Variants in MINDY4B observed in about 807,000 individuals in gnomAD.
MINDY4B encodes MINDY family member 4B.
In MINDY4B, 25 loss-of-function variants were observed where a neutral mutation model predicts 16.7. The ratio of observed to expected loss-of-function variants is 1.49; its 90% confidence interval spans 1.09 to 2.09. MINDY4B has a LOEUF of 2.09. MINDY4B is among the 30% of genes most tolerant of loss of function. The pLI, the probability that MINDY4B is intolerant of heterozygous loss-of-function variation, is 0.00. For missense variants in MINDY4B, 327 were observed against 168.4 expected (o/e 1.94, Z -5.21); for synonymous variants, 132 against 61.9 (o/e 2.13, Z -5.32).
intron 3 of MINDY4B, among the ~76,000 whole-genome samples, chr3:150,897,359 G>GTT (rs1559968722): frequency 2.0e-5 from 3 of 151,348 alleles, no homozygotes; most frequent in Non-Finnish European, 2.9e-5. Flanking sequence ...GTGTGTGTGT[G>GTT]TGTGTGTGTA....
At chr3:150,894,998 C>G (rs1711923934) in intron 3 of MINDY4B, among the ~76,000 whole-genome samples, 1 of 152,212 alleles carries the variant, frequency 6.6e-6, no homozygotes, top group Non-Finnish European at 1.5e-5. Context: ...GAACTTCTGA[C>G]TGAAGTACTC....
At chr3:150,894,671 C>T (rs1711912913) in intron 3 of MINDY4B, among the ~76,000 whole-genome samples, 1 of 152,182 alleles carries the variant, frequency 6.6e-6, no homozygotes, top group East Asian at 1.9e-4. Flanking sequence ...CAGCCTGGTA[C>T]AGTAGCGATT....
chr3:150,895,419 GT>G (rs1711933872), intron 3 of MINDY4B, among the ~76,000 whole-genome samples: 1 of 152,088 alleles, frequency 6.6e-6, no homozygotes, highest in African/African-American at 2.4e-5. Context: ...AATATGATAG[GT>G]TTTCCTTCAT....
chr3:150,885,814 C>G (rs1311364480), intron 7 of MINDY4B, among the ~76,000 whole-genome samples: 1 of 152,150 alleles, frequency 6.6e-6, no homozygotes, highest in African/African-American at 2.4e-5. Flanking sequence ...TTCCTCATTG[C>G]CCCGTTAAAC....
intron 3 of MINDY4B, among the ~76,000 whole-genome samples, chr3:150,902,729 T>C (rs1443140210): frequency 6.6e-6 from 1 of 152,220 alleles, no homozygotes; most frequent in Admixed American, 6.5e-5. Flanking sequence ...TCCTGGTGAT[T>C]TGGATCCTGA....
Position 150,905,108 on chromosome 3 carries a change from A to G in MINDY4B, c.114-19T>C. 1 of 398,520 alleles carries G rather than the reference A, an allele frequency of 2.5e-6. No individual in the cohort carries two copies. Among genetic ancestry groups the G allele is most frequent in the Non-Finnish European group, 4.4e-6 (1 of 225,998 alleles). The allele number at this position is 398,520 out of a possible 1,614,324, so 24.7% of individuals were successfully genotyped here. A position where few individuals can be genotyped will look rare whatever the true frequency, so the allele number is the denominator to read the frequency against. On this transcript the variant is annotated intron_variant, in intron 1 of 11. Coordinates refer to ENST00000465419, the MANE Select transcript of MINDY4B (RefSeq NM_001351281.2). Reference sequence around the variant, plus strand: ...TCCCAACCTTTAAATGAAAGAGAAAACATCAAGTAAATTACTCACTCTCTT... The same window carrying G: ...TCCCAACCTTTAAATGAAAGAGAAAGCATCAAGTAAATTACTCACTCTCTT...
chr3:150,897,349 G>GTGTGTGTA (rs1712001605), intron 3 of MINDY4B, among the ~76,000 whole-genome samples: 1 of 151,872 alleles, frequency 6.6e-6, no homozygotes, highest in East Asian at 1.9e-4. Flanking sequence ...GTGTGTGTGT[G>GTGTGTGTA]TGTGTGTGTG....
chr3:150,892,912 C>T (rs1711852768), intron 5 of MINDY4B, among the ~76,000 whole-genome samples: 1 of 151,260 alleles, frequency 6.6e-6, no homozygotes, highest in South Asian at 2.1e-4. Flanking sequence ...TGCACTCCAG[C>T]CTTGGGGACA....
chr3:150,873,410 C>A lies in MINDY4B; in HGVS notation c.1060-43G>T, dbSNP rs540193897. The A allele has an allele frequency of 4.8e-5, 33 of 689,192 alleles. No homozygotes were observed. The East Asian group carries it at 8.6e-4, about 18-fold the overall frequency. The allele number at this position is 689,192 out of a possible 1,614,324, so 42.7% of individuals were successfully genotyped here. ...AATGCAGATAAATATATAGATTTTG[C>A]CACATTGTGACACATGCCGATACAT... On this transcript the variant is annotated intron_variant, in intron 10 of 11. Coordinates refer to ENST00000465419, the MANE Select transcript of MINDY4B (RefSeq NM_001351281.2).
chr3:150,891,065 A>G lies in MINDY4B; in HGVS notation c.560T>C (p.Leu187Ser). The stretch of plus-strand genomic sequence containing the variant: ...CAGGATGCCAGCAAGCGCCGCGGCC[A>G]AGGCTTGCTCCTGCTCCTTCTTGCT... ...EISKKEQEQA[L>S]AAALAGILWA... Residue 187 changes from leucine to serine, a missense_variant, in exon 6 of 12, where the codon TTG (leucine) becomes TCG (serine). Leu to Ser is a moderately radical substitution (Grantham distance 145). Coordinates refer to ENST00000465419, the MANE Select transcript of MINDY4B (RefSeq NM_001351281.2). 1.4e-6 allele frequency: 1 copy of G among 702,832 alleles called. No individual in the cohort carries two copies. The highest frequency in any genetic ancestry group is 2.6e-6 in the Non-Finnish European group (1 of 384,806). 43.5% of individuals were successfully genotyped at this position (702,832 alleles called of 1,614,324 possible). A position where few individuals can be genotyped will look rare whatever the true frequency, so the allele number is the denominator to read the frequency against.
intron 3 of MINDY4B, among the ~76,000 whole-genome samples, chr3:150,898,639 CATG>C (rs1304599279): frequency 6.6e-6 from 1 of 152,210 alleles, no homozygotes; most frequent in Non-Finnish European, 1.5e-5. Context: ...AAGTGGCTGC[CATG>C]ATTATTATTA....
chr3:150,883,018 T>A lies in MINDY4B; in HGVS notation c.938A>T (p.Asn313Ile), dbSNP rs1358527828. ...TCCTTCCTCACAGCCATTGAAGACA[T>A]TGGGACTTGCTCTTCCAGTTAAAAT... The part of the protein sequence containing the change: ...NMILTGRASP[N>I]VFNGCEEGKS... The change falls in exon 10 of 12, where the codon AAT becomes ATT. Residue 313 changes from asparagine (N) to isoleucine (I), a missense_variant. Coordinates refer to ENST00000465419, the MANE Select transcript of MINDY4B (RefSeq NM_001351281.2). The A allele has an allele frequency of 1.4e-6, 1 of 702,436 alleles. No homozygotes were observed. Among genetic ancestry groups the A allele is most frequent in the South Asian group, 1.5e-5 (1 of 67,566 alleles). The allele number at this position is 702,436 out of a possible 1,614,324, so 43.5% of individuals were successfully genotyped here.
intron 10 of MINDY4B, among the ~76,000 whole-genome samples, chr3:150,878,630 A>T (rs939212757): frequency 6.6e-6 from 1 of 152,212 alleles, no homozygotes; most frequent in South Asian, 2.1e-4. Context: ...AGCATTATAG[A>T]TCTAATTTCT....
Position 150,891,016 on chromosome 3 carries a change from C to T in MINDY4B, c.609G>A (p.Lys203=), listed in dbSNP as rs1176675197. 2.8e-6 allele frequency: 2 copies of T among 702,882 alleles called. No homozygotes were observed. The highest frequency in any genetic ancestry group is 5.4e-5 in the East Asian group (2 of 37,296). The allele number at this position is 702,882 out of a possible 1,614,324, so 43.5% of individuals were successfully genotyped here. A position where few individuals can be genotyped will look rare whatever the true frequency, so the allele number is the denominator to read the frequency against. The change falls in exon 6 of 12, where the codon AAG becomes AAA. Residue 203 remains lysine (K), a synonymous_variant. Transcript: ENST00000465419. Reference sequence around the variant, plus strand: ...CCTCAGTGACAAGACAGATGGTGGCCTTCTGAGCTGCTCCTGCAGCCCACA... The same window carrying T: ...CCTCAGTGACAAGACAGATGGTGGCTTTCTGAGCTGCTCCTGCAGCCCACA... ...GILWAAGAAQ[K]ATICLVTEDI... is the part of the protein sequence containing the mutation.
chr3:150,900,672 G>C (rs1027367146), intron 3 of MINDY4B, among the ~76,000 whole-genome samples: 13 of 151,962 alleles, frequency 8.6e-5, no homozygotes, highest in Non-Finnish European at 1.5e-4. Flanking sequence ...CTCTATTTCT[G>C]GGACTTTCTT....
intron 8 of MINDY4B, among the ~76,000 whole-genome samples, chr3:150,884,873 T>C (rs1214072659): frequency 6.6e-6 from 1 of 152,166 alleles, no homozygotes; most frequent in African/African-American, 2.4e-5. Flanking sequence ...ATTTGGCACA[T>C]CAGATACCTC....
At chr3:150,899,188 G>C (rs1277626305) in intron 3 of MINDY4B, among the ~76,000 whole-genome samples, 2 of 152,282 alleles carry the variant, frequency 1.3e-5, no homozygotes, top group Non-Finnish European at 2.9e-5. Flanking sequence ...TCATTTTACA[G>C]TGAAAGGACT....
intron 10 of MINDY4B, among the ~76,000 whole-genome samples, chr3:150,878,111 G>A (rs560361505): frequency 6.6e-6 from 1 of 152,084 alleles, no homozygotes; most frequent in African/African-American, 2.4e-5. Flanking sequence ...ACAACTTGGA[G>A]TGGACGTGGG....
intron 11 of MINDY4B, among the ~76,000 whole-genome samples, chr3:150,871,804 C>T (rs1474633133): frequency 6.6e-6 from 1 of 152,188 alleles, no homozygotes; most frequent in Non-Finnish European, 1.5e-5. Flanking sequence ...AGGATCACGC[C>T]ACTGCACTCC....
Sources: allele counts gnomAD v4.1 joint callset (sites outside exome capture counted in the v4.1 genomes callset), GRCh38; gene constraint gnomAD v4.1.1; transcripts MANE v1.5; gene names NCBI Gene and HGNC (gene_info 2026-07-23, HGNC 2026-07-21).